The following CATSPERT variants were observed in gnomAD, a reference collection of about 807,000 sequenced individuals.
The protein encoded by CATSPERT is cation channel sperm-associated targeting subunit tau.
At chr2:201,528,268 C>A in the CATSPERT span, among the ~76,000 whole-genome samples, 1 of 152,058 alleles carries the variant, frequency 6.6e-6, no homozygotes, top group Non-Finnish European at 1.5e-5. Flanking sequence ...ACAATAGATG[C>A]TGGTGAGGCT....
the CATSPERT span, among the ~76,000 whole-genome samples, chr2:201,596,142 A>G: frequency 1.3e-5 from 2 of 152,222 alleles, no homozygotes; most frequent in Admixed American, 6.5e-5. Context: ...TCATTGCAGC[A>G]CCATTCACAA....
the CATSPERT span, among the ~76,000 whole-genome samples, chr2:201,551,722 T>C: frequency 1.8e-4 from 27 of 152,200 alleles, no homozygotes; most frequent in Non-Finnish European, 3.5e-4. Context: ...CTCACCAACA[T>C]GGAGAAACCC....
chr2:201,595,388 C>T, the CATSPERT span, among the ~76,000 whole-genome samples: 2 of 151,876 alleles, frequency 1.3e-5, no homozygotes, highest in South Asian at 2.1e-4. Context: ...CGGGGTTTCA[C>T]CGTGTTAGCC....
At chr2:201,508,292 C>A in the CATSPERT span, among the ~76,000 whole-genome samples, 1 of 152,092 alleles carries the variant, frequency 6.6e-6, no homozygotes, top group Non-Finnish European at 1.5e-5. Context: ...CAGGAATTTT[C>A]TAATTTTATA....
the CATSPERT span, among the ~76,000 whole-genome samples, chr2:201,506,577 G>A: frequency 2.0e-5 from 3 of 152,110 alleles, no homozygotes; most frequent in Non-Finnish European, 2.9e-5. Flanking sequence ...TTTTTGAGAC[G>A]GAGTCTTGCT....
the CATSPERT span, among the ~76,000 whole-genome samples, chr2:201,613,899 C>A: frequency 6.6e-6 from 1 of 152,126 alleles, no homozygotes. Context: ...GGCACGAGAA[C>A]TATGTGACGC....
At chr2:201,565,703 GAAT>G in the CATSPERT span, 1 of 1,117,184 alleles carries the variant, frequency 9.0e-7, no homozygotes, top group Non-Finnish European at 1.2e-6. Context: ...GAGCTCTTTT[GAAT>G]TTTTTTTTTT....
the CATSPERT span, among the ~76,000 whole-genome samples, chr2:201,592,231 G>A: frequency 7.9e-5 from 12 of 151,710 alleles, no homozygotes; most frequent in African/African-American, 1.4e-4. Context: ...TGCATCTATT[G>A]AGATAATCAT....
chr2:201,585,366 C>A, the CATSPERT span, among the ~76,000 whole-genome samples: 1 of 143,716 alleles, frequency 7.0e-6, no homozygotes, highest in Admixed American at 7.1e-5. Context: ...ACATGTATCC[C>A]AGAACTTAAA....
the CATSPERT span, among the ~76,000 whole-genome samples, chr2:201,581,895 T>C: frequency 2.0e-5 from 3 of 151,748 alleles, no homozygotes; most frequent in African/African-American, 7.3e-5. Flanking sequence ...GGCTGGAAAA[T>C]AAATTTTTAG....
chr2:201,582,916 C>A, the CATSPERT span, among the ~76,000 whole-genome samples: 1 of 152,100 alleles, frequency 6.6e-6, no homozygotes, highest in Non-Finnish European at 1.5e-5. Flanking sequence ...TGACTGTCTT[C>A]CCCCAAGAAA....
the CATSPERT span, chr2:201,553,193 T>C: frequency 6.6e-6 from 1 of 152,198 alleles, no homozygotes; most frequent in Non-Finnish European, 1.5e-5. Flanking sequence ...CCAACAGGTA[T>C]TCACCCACTT....
the CATSPERT span, among the ~76,000 whole-genome samples, chr2:201,541,534 TATATATATATATA>T: frequency 5.0e-4 from 8 of 15,954 alleles, no homozygotes; most frequent in Non-Finnish European, 9.5e-4. Context: ...GATGATTTTA[TATATATATATATA>T]TATATATATA....
At chr2:201,605,930 T>C in the CATSPERT span, among the ~76,000 whole-genome samples, 5 of 151,986 alleles carry the variant, frequency 3.3e-5, no homozygotes, top group African/African-American at 1.2e-4. Context: ...ATCCCAGAAA[T>C]AAATGCTAAA....
the CATSPERT span, among the ~76,000 whole-genome samples, chr2:201,524,875 C>T: frequency 6.6e-6 from 1 of 152,138 alleles, no homozygotes; most frequent in Admixed American, 6.5e-5. Context: ...CAAAGTAAGA[C>T]ATTACGTAAG....
chr2:201,552,857 A>T, the CATSPERT span: 1 of 152,206 alleles, frequency 6.6e-6, no homozygotes, highest in African/African-American at 2.4e-5. Context: ...AGTCTTTACT[A>T]TATGACCCAA....
the CATSPERT span, among the ~76,000 whole-genome samples, chr2:201,521,226 A>G: frequency 6.6e-6 from 1 of 152,202 alleles, no homozygotes; most frequent in Non-Finnish European, 1.5e-5. Context: ...AAGCAGATAA[A>G]ACTCTTTGTA....
the CATSPERT span, among the ~76,000 whole-genome samples, chr2:201,507,283 G>A: frequency 6.6e-6 from 1 of 152,108 alleles, no homozygotes; most frequent in Admixed American, 6.5e-5. Flanking sequence ...GTTTACATCA[G>A]AAACTATCCA....
chr2:201,565,670 A>G, the CATSPERT span: 1 of 1,467,532 alleles, frequency 6.8e-7, no homozygotes, highest in Non-Finnish European at 9.0e-7. Flanking sequence ...TATTATACAA[A>G]TAACACCTAA....
Sources: allele counts gnomAD v4.1 joint callset (sites outside exome capture counted in the v4.1 genomes callset), GRCh38; gene constraint gnomAD v4.1.1; transcripts MANE v1.5; gene names NCBI Gene and HGNC (gene_info 2026-07-23, HGNC 2026-07-21).